Variants in DYSF observed in about 807,000 individuals in gnomAD.
The protein encoded by DYSF is dystrophy-associated fer-1-like 1.
DYSF carries 212 observed loss-of-function variants against 274.9 expected under a neutral mutation model. That is an observed-to-expected ratio of 0.77 (90% CI 0.69 to 0.86). DYSF has a LOEUF of 0.86. Ranked by LOEUF, DYSF falls within the 40% of genes least tolerant of loss-of-function variation. DYSF has a pLI of 0.00. For synonymous variants in DYSF, 1,091 were observed against 1,078.7 expected (o/e 1.01, Z -0.22); for missense variants, 2,666 against 2,783.2 (o/e 0.96, Z 0.95).
At chr2:71,539,719 G>GTATGTATGTATA (rs2089738537) in intron 17 of DYSF, among the ~76,000 whole-genome samples, 1 of 152,124 alleles carries the variant, frequency 6.6e-6, no homozygotes, top group Non-Finnish European at 1.5e-5. Context: ...AGACCTTTCT[G>GTATGTATGTATA]TATGTATGTA....
At chr2:71,629,892 G>C (rs535587133) in intron 41 of DYSF, among the ~76,000 whole-genome samples, 2 of 152,144 alleles carry the variant, frequency 1.3e-5, no homozygotes, top group African/African-American at 2.4e-5. Context: ...CATCATGCAG[G>C]TTTATCTCCT....
At chr2:71,566,736 C>T (rs763411586) in intron 24 of DYSF, among the ~76,000 whole-genome samples, 18 of 152,216 alleles carry the variant, frequency 1.2e-4, no homozygotes, top group East Asian at 7.7e-4. Flanking sequence ...AGAGGACAGC[C>T]GAAGCGAACA....
At chr2:71,550,945 G>A in intron 17 of DYSF, 96 bp from the exon 18 acceptor site, 1 of 1,038,824 alleles carries the variant, frequency 9.6e-7, no homozygotes, top group Non-Finnish European at 1.5e-6. Context: ...GGGGGGAACT[G>A]AGGGCCAGGG....
At chr2:71,551,837 C>A in intron 19 of DYSF, 117 bp downstream of exon 19, 1 of 781,222 alleles carries the variant, frequency 1.3e-6, no homozygotes, top group Non-Finnish European at 2.1e-6. Context: ...CCACACGCAT[C>A]GTGCCTTTAC....
Position 71,665,222 on chromosome 2 carries a change from C to T in DYSF, c.5235C>T (p.Cys1745=), listed in dbSNP as rs1573061003. ...LRPSQLLHLF[C]QQHRVKAPVY... ...CCTCCCAGCTCCTCCACCTCTTCTG[C>T]CAGCAGCATAGAGTCAAGGCACCTG... The change falls in exon 47 of 56, where the codon TGC becomes TGT. Residue 1745 remains cysteine, a synonymous_variant. Coordinates refer to ENST00000410020, the MANE Select transcript of DYSF (RefSeq NM_001130987.2). 1 of 1,613,992 alleles carries T rather than the reference C, an allele frequency of 6.2e-7. No homozygotes were observed. The highest frequency in any genetic ancestry group is 1.7e-5 in the Admixed American group (1 of 60,004).
Position 71,679,092 on chromosome 2 carries a change from C to T in DYSF, c.5920C>T (p.Pro1974Ser). ...LQLDLNRMPK[P>S]AKTAKKCSLD... ...GCTCGATCTCAACCGCATGCCCAAG[C>T]CAGCCAAGACAGCCAAGAAGTGCTC... Residue 1974 changes from proline (P) to serine (S), a missense_variant, in exon 53 of 56, where the codon CCA (proline) becomes TCA (serine). Around this residue, in one of 3 missense-constraint regions of DYSF, gnomAD observed 1,460 missense variants for 1,502.1 expected, o/e 0.97. Transcript: ENST00000410020. The T allele has an allele frequency of 6.2e-7, 1 of 1,614,010 alleles. No homozygotes were observed. Among genetic ancestry groups the T allele is most frequent in the Admixed American group, 1.7e-5 (1 of 60,022 alleles).
intron 16 of DYSF, among the ~76,000 whole-genome samples, chr2:71,538,538 CT>C (rs1208260192): frequency 6.6e-6 from 1 of 152,180 alleles, no homozygotes; most frequent in African/African-American, 2.4e-5. Context: ...GGCTTTAAGC[CT>C]CAGTTTCCTC....
intron 18 of DYSF, among the ~76,000 whole-genome samples, 159 bp from the exon 19 acceptor site, chr2:71,551,448 C>T (rs550912343): frequency 2.8e-4 from 43 of 152,352 alleles, no homozygotes; most frequent in Admixed American, 8.5e-4. Flanking sequence ...CCCCCGAACT[C>T]TCTGGGCCAT....
chr2:71,563,068 C>T (rs569589234), intron 23 of DYSF, among the ~76,000 whole-genome samples: 8 of 152,338 alleles, frequency 5.3e-5, no homozygotes, highest in African/African-American at 1.7e-4. Context: ...GCCCACCCCT[C>T]GAGTTCCTGC....
chr2:71,455,944 G>A (rs2081043736), intron 1 of DYSF, among the ~76,000 whole-genome samples: 1 of 152,148 alleles, frequency 6.6e-6, no homozygotes, highest in Admixed American at 6.5e-5. Context: ...CCTCTGGTTG[G>A]AGAAAGGAAA....
At chr2:71,492,113 G>A (rs573181218) in intron 3 of DYSF, among the ~76,000 whole-genome samples, 1 of 152,224 alleles carries the variant, frequency 6.6e-6, no homozygotes, top group East Asian at 1.9e-4. Context: ...ATTTTGCCCT[G>A]GATTCTATCC....
chr2:71,526,415 CG>C, intron 13 of DYSF, 69 bp downstream of exon 13: 10 of 411,220 alleles, frequency 2.4e-5, no homozygotes, highest in Non-Finnish European at 3.1e-5. Flanking sequence ...TGGGGGTGGG[CG>C]ATGGCGGGCG....
chr2:71,591,526 T>C (rs1380995188), intron 32 of DYSF, among the ~76,000 whole-genome samples: 17 of 152,390 alleles, frequency 1.1e-4, no homozygotes, highest in Non-Finnish European at 1.5e-5. Context: ...ACCCTTACAA[T>C]TGCCCTGTGA....
intron 24 of DYSF, among the ~76,000 whole-genome samples, chr2:71,565,870 A>G (rs1209862559): frequency 1.3e-5 from 2 of 152,150 alleles, no homozygotes; most frequent in Non-Finnish European, 2.9e-5. Flanking sequence ...AATGGATGTT[A>G]GTTTCTCTCC....
intron 32 of DYSF, among the ~76,000 whole-genome samples, chr2:71,590,968 G>GC (rs756730186): frequency 3.9e-5 from 6 of 152,110 alleles, no homozygotes; most frequent in Non-Finnish European, 8.8e-5. Flanking sequence ...CTTCCACACT[G>GC]CCCCAGACAC....
At chr2:71,641,914 T>C (rs1246563800) in intron 41 of DYSF, among the ~76,000 whole-genome samples, 1 of 152,372 alleles carries the variant, frequency 6.6e-6, no homozygotes, top group Non-Finnish European at 1.5e-5. Flanking sequence ...GTGGCTTTTT[T>C]ATTTTTTTCT....
intron 32 of DYSF, among the ~76,000 whole-genome samples, chr2:71,591,736 G>C (rs749175347): frequency 6.6e-6 from 1 of 152,232 alleles, no homozygotes; most frequent in Non-Finnish European, 1.5e-5. Context: ...GGGCTCTGCA[G>C]CTGATGGCCA....
rs1300725558 is a variant in DYSF, at chr2:71,457,499, G to A, written c.88+3413G>A. ...AAGACAAGCAAGAAAAGGTGGAGGGGCAGGACCTGAACCCAGGCCTGGCTG... is the reference window on the plus strand; with the variant it reads ...AAGACAAGCAAGAAAAGGTGGAGGGACAGGACCTGAACCCAGGCCTGGCTG... On this transcript the variant is annotated intron_variant, in intron 1 of 54. Coordinates refer to the DYSF transcript ENST00000258104. 2.0e-5 allele frequency among the ~76,000 whole-genome samples: 3 copies of A among 152,294 alleles called. No individual in the cohort carries two copies. The East Asian group carries it at 5.8e-4, about 29-fold the overall frequency.
At chr2:71,557,133 A>G (rs1245905986) in intron 22 of DYSF, among the ~76,000 whole-genome samples, 3 of 152,248 alleles carry the variant, frequency 2.0e-5, no homozygotes, top group Non-Finnish European at 2.9e-5. Flanking sequence ...CCCAGAGCAT[A>G]CTGACAAAGG....
Sources: allele counts gnomAD v4.1 joint callset (sites outside exome capture counted in the v4.1 genomes callset), GRCh38; gene constraint gnomAD v4.1.1; regional missense constraint gnomAD v4.1.1; transcripts MANE v1.5; gene names NCBI Gene and HGNC (gene_info 2026-07-23, HGNC 2026-07-21).